Variants in LRMDA observed in about 807,000 individuals in gnomAD.
LRMDA encodes leucine-rich melanocyte differentiation-associated protein.
LRMDA carries 18 observed loss-of-function variants against 29.8 expected under a neutral mutation model. The observed-to-expected ratio is 0.60, with a 90% CI of 0.42 to 0.90. The LOEUF is 0.90. LRMDA is among the 40% of genes least tolerant of loss of function. LRMDA has a pLI of 0.00. For synonymous variants in LRMDA, 125 were observed against 109.4 expected, an observed-to-expected ratio of 1.14 and a Z score of -0.89; for missense variants, 273 against 273.9, an observed-to-expected ratio of 1.00 and a Z score of 0.02.
At chr10:75,729,983 G>A (rs958086821) in intron 2 of LRMDA, among the ~76,000 whole-genome samples, 1 of 152,124 alleles carries the variant, frequency 6.6e-6, no homozygotes, top group African/African-American at 2.4e-5. Context: ...TTTATTTGTA[G>A]AGAAGGAGTC....
chr10:75,817,920 T>A (rs1844088669), intron 2 of LRMDA, among the ~76,000 whole-genome samples: 1 of 152,176 alleles, frequency 6.6e-6, no homozygotes, highest in Admixed American at 6.5e-5. Context: ...CTCCAGCAGA[T>A]GACATCAGGG....
At chr10:75,473,208 G>A (rs1844746014) in intron 2 of LRMDA, among the ~76,000 whole-genome samples, 1 of 152,202 alleles carries the variant, frequency 6.6e-6, no homozygotes, top group Non-Finnish European at 1.5e-5. Context: ...AAATCAAAGT[G>A]GGGCCCAATC....
chr10:75,626,545 G>T (rs925134589), intron 2 of LRMDA, among the ~76,000 whole-genome samples: 1 of 152,152 alleles, frequency 6.6e-6, no homozygotes, highest in African/African-American at 2.4e-5. Context: ...GGAGGGGAAG[G>T]TCCTCTTGGA....
chr10:76,159,389 C>T (rs781148606), intron 5 of LRMDA, among the ~76,000 whole-genome samples: 2 of 152,092 alleles, frequency 1.3e-5, no homozygotes, highest in Non-Finnish European at 2.9e-5. Flanking sequence ...ACACCAAATG[C>T]GGATGAGGAT....
chr10:76,503,558 G>A (rs149923816), intron 6 of LRMDA, among the ~76,000 whole-genome samples: 62 of 151,752 alleles, frequency 4.1e-4, no homozygotes, highest in African/African-American at 1.4e-3. Context: ...AATCTTGGGA[G>A]ATTGTATGTT....
intron 2 of LRMDA, among the ~76,000 whole-genome samples, chr10:75,800,200 C>T (rs757556182): frequency 2.6e-5 from 4 of 152,130 alleles, no homozygotes; most frequent in Admixed American, 6.5e-5. Flanking sequence ...TGTATGTCTT[C>T]CTGATTATCA....
At position 76,483,067 on chromosome 10, in the gene LRMDA, T is replaced by C. The variant is rs111692622; in HGVS notation, c.602-74142T>C. On this transcript the variant is annotated intron_variant, in intron 6 of 6. Transcript: ENST00000611255. ...AATGGATTTTCAGTCTTTGTTCATT[T>C]TTTAAAATTGAATTATCTTATTATG... 3.3e-3 allele frequency among the ~76,000 whole-genome samples: 504 copies of C among 152,114 alleles called. 6 individuals carry two copies. Among genetic ancestry groups the C allele is most frequent in the African/African-American group, 0.012 (478 of 41,534 alleles).
intron 2 of LRMDA, among the ~76,000 whole-genome samples, chr10:75,888,445 C>G (rs7895205): frequency 0.22 from 33,154 of 152,114 alleles, 3,900 homozygotes; most frequent in Middle Eastern, 0.46. Context: ...AACTCCACAT[C>G]CCTGATCTGG....
At chr10:75,630,369 GT>G (rs1564526435) in intron 2 of LRMDA, among the ~76,000 whole-genome samples, 4 of 152,206 alleles carry the variant, frequency 2.6e-5, no homozygotes, top group African/African-American at 4.8e-5. Flanking sequence ...GTCTTCGCTG[GT>G]TTTTGCGGGC....
intron 6 of LRMDA, among the ~76,000 whole-genome samples, chr10:76,491,902 G>A (rs1390353316): frequency 6.6e-6 from 1 of 151,606 alleles, no homozygotes; most frequent in African/African-American, 2.4e-5. Context: ...TATATTCTCT[G>A]ACTGTATATT....
chr10:75,690,516 A>G (rs1023642532), intron 2 of LRMDA, among the ~76,000 whole-genome samples: 3 of 151,932 alleles, frequency 2.0e-5, no homozygotes, highest in African/African-American at 4.8e-5. Context: ...GGGTCTTGCT[A>G]TGTTGCCTAG....
Position 76,558,124 on chromosome 10 carries a change from C to CTCT in LRMDA, c.*838_*840dup, listed in dbSNP as rs1843580093. 1 of 152,202 alleles carries CTCT rather than the reference C, an allele frequency of 6.6e-6. No individual in the cohort carries two copies. Among genetic ancestry groups the CTCT allele is most frequent in the Non-Finnish European group, 1.5e-5 (1 of 68,064 alleles). 9.4% of individuals were successfully genotyped at this position (152,202 alleles called of 1,614,324 possible). ...CATGAGGGTTTGGTTGCACCAGGGA[C>CTCT]TCTTATTTATTAATTTATTTTTAAC... On this transcript the variant is annotated 3_prime_UTR_variant, in exon 7 of 7. Coordinates refer to ENST00000611255, the MANE Select transcript of LRMDA (RefSeq NM_001305581.2).
chr10:75,712,802 A>G (rs1261750901), intron 2 of LRMDA, among the ~76,000 whole-genome samples: 1 of 109,968 alleles, frequency 9.1e-6, no homozygotes, highest in Admixed American at 9.8e-5. Flanking sequence ...GCGTCCCCCC[A>G]CCCCCAGCCC....
intron 2 of LRMDA, among the ~76,000 whole-genome samples, chr10:75,662,002 A>T (rs1841759577): frequency 6.6e-6 from 1 of 152,198 alleles, no homozygotes; most frequent in Non-Finnish European, 1.5e-5. Flanking sequence ...CAGCCTCCTA[A>T]GTAGGATAGG....
intron 2 of LRMDA, among the ~76,000 whole-genome samples, chr10:75,443,791 T>G (rs1394261250): frequency 2.6e-5 from 4 of 152,248 alleles, no homozygotes; most frequent in Admixed American, 2.6e-4. Flanking sequence ...TTTGATAAAA[T>G]TCACTAGTGA....
At chr10:75,793,601 TG>T (rs1465077175) in intron 2 of LRMDA, among the ~76,000 whole-genome samples, 1 of 152,226 alleles carries the variant, frequency 6.6e-6, no homozygotes, top group East Asian at 1.9e-4. Context: ...CTTGTGTGAA[TG>T]GGGTCACATG....
intron 2 of LRMDA, among the ~76,000 whole-genome samples, chr10:75,788,857 T>A (rs1435304493): frequency 6.6e-6 from 1 of 152,268 alleles, no homozygotes; most frequent in Non-Finnish European, 1.5e-5. Flanking sequence ...ACAGACTGGA[T>A]CTGCTTCCCC....
intron 5 of LRMDA, among the ~76,000 whole-genome samples, chr10:76,192,586 G>A (rs1851265444): frequency 6.6e-6 from 1 of 152,172 alleles, no homozygotes; most frequent in Admixed American, 6.5e-5. Context: ...GTTAAAATAG[G>A]AGGGGTATTG....
chr10:75,547,388 C>T (rs187858994), intron 2 of LRMDA, among the ~76,000 whole-genome samples: 2 of 152,252 alleles, frequency 1.3e-5, no homozygotes, highest in East Asian at 3.9e-4. Flanking sequence ...CTCTGGTGGC[C>T]CTTGTGAAGA....
Sources: gnomAD v4.1 joint callset for allele counts (sites outside exome capture counted in the v4.1 genomes callset) on GRCh38, gnomAD v4.1.1 for gene constraint, MANE v1.5 for transcripts, NCBI Gene and HGNC (gene_info 2026-07-23, HGNC 2026-07-21) for gene names.